SPINK5: variants seen among roughly 807,000 people sequenced by gnomAD.
SPINK5 encodes serine peptidase inhibitor Kazal type 5, also known as serine protease inhibitor Kazal-type 5.
In SPINK5, 125 loss-of-function variants were observed where a neutral mutation model predicts 151.8. The observed-to-expected ratio is 0.82, with a 90% CI of 0.71 to 0.96. SPINK5 has a LOEUF of 0.96. Among genes scored for constraint, SPINK5 ranks in the 40% least tolerant of loss-of-function variants. SPINK5 has a pLI of 0.00. For synonymous variants in SPINK5, 374 were observed against 395.3 expected, an observed-to-expected ratio of 0.95 and a Z score of 0.64; for missense variants, 1,194 against 1,291.9, an observed-to-expected ratio of 0.92 and a Z score of 1.16.
Position 148,111,906 on chromosome 5 carries a change from G to A in SPINK5, c.1820+11G>A, listed in dbSNP as rs796478719. On this transcript the variant is annotated intron_variant, in intron 19 of 32. Coordinates refer to ENST00000256084, the MANE Select transcript of SPINK5 (RefSeq NM_006846.4). ...GTGTGAAGCCTTCTTGTGAGTGGGC[G>A]GCAGCCACTGCTGCTACTGAGTGTG... 2.2e-5 allele frequency: 36 copies of A among 1,613,840 alleles called. No individual in the cohort carries two copies. In the African/African-American group the frequency reaches 2.4e-4, roughly 11 times the overall value.
chr5:148,093,046 A>G (rs1257954758), intron 8 of SPINK5, among the ~76,000 whole-genome samples: 1 of 151,944 alleles, frequency 6.6e-6, no homozygotes, highest in Non-Finnish European at 1.5e-5. Flanking sequence ...GGCCCAGGTC[A>G]TTTGACTCCT....
chr5:148,136,828 C>A (rs1158047425), intron 32 of SPINK5, among the ~76,000 whole-genome samples, 155 bp from the exon 33 acceptor site: 3 of 152,186 alleles, frequency 2.0e-5, no homozygotes, highest in African/African-American at 7.2e-5. Context: ...TTGTATCAAA[C>A]TGGATAAAAT....
chr5:148,113,440 T>G (rs985391404), intron 20 of SPINK5, among the ~76,000 whole-genome samples: 1 of 152,238 alleles, frequency 6.6e-6, no homozygotes, highest in Admixed American at 6.5e-5. Flanking sequence ...ACAGCCAGCC[T>G]TCTTTCTAGT....
rs915444325 is a variant in SPINK5 at position 148,136,859 on chromosome 5, C to T, written c.3187-124C>T. 1.7e-5 allele frequency: 21 copies of T among 1,252,572 alleles called. No individual in the cohort carries two copies. In the East Asian group the frequency reaches 4.2e-4, roughly 25 times the overall value. The allele number at this position is 1,252,572 out of a possible 1,614,324, so 77.6% of individuals were successfully genotyped here. A position where few individuals can be genotyped will look rare whatever the true frequency, so the allele number is the denominator to read the frequency against. On this transcript the variant is annotated intron_variant, in intron 32 of 32. Transcript: ENST00000256084. The stretch of plus-strand genomic sequence containing the variant: ...AAAATGTGAAAGTGATTTTAAATTG[C>T]TACTTCTTTGCAGAATGCAGGATCT...
intron 14 of SPINK5, 56 bp downstream of exon 14, chr5:148,101,492 C>A: frequency 7.4e-7 from 1 of 1,355,998 alleles, no homozygotes; most frequent in Non-Finnish European, 1.1e-6. Flanking sequence ...ATCCACAGAT[C>A]ATGTTCAGGG....
chr5:148,099,465 G>A (rs1753573718), intron 12 of SPINK5, 150 bp downstream of exon 12: 7 of 605,564 alleles, frequency 1.2e-5, no homozygotes, highest in South Asian at 9.7e-5. Flanking sequence ...TATATGGGAA[G>A]ATTGATCCAT....
intron 26 of SPINK5, among the ~76,000 whole-genome samples, chr5:148,123,449 A>C (rs1384594749): frequency 8.0e-6 from 1 of 125,288 alleles, no homozygotes; most frequent in African/African-American, 3.7e-5. Flanking sequence ...ATCTATCTAT[A>C]TATATAATCT....
chr5:148,117,977 C>T (rs9325072), intron 22 of SPINK5, among the ~76,000 whole-genome samples: 27,080 of 151,820 alleles, frequency 0.18, 3,610 homozygotes, highest in African/African-American at 0.36. Context: ...ATTCTGGTCC[C>T]CTTTTCTCTG....
chr5:148,064,007 A>T lies in SPINK5; in HGVS notation c.-38A>T, dbSNP rs1561668888. 6.2e-7 allele frequency: 1 copy of T among 1,613,254 alleles called. No homozygotes were observed. The highest frequency in any genetic ancestry group is 8.5e-7 in the Non-Finnish European group (1 of 1,179,220). On this transcript the variant is annotated 5_prime_UTR_variant, in exon 1 of 33. The change abolishes an upstream ATG in the 5' untranslated region. Coordinates refer to ENST00000256084, the MANE Select transcript of SPINK5 (RefSeq NM_006846.4). ...TCATACTGCACCAGCTGAGCAATGCATGGAGTGGACCTGTAGGCGACTTGC... is the reference window on the plus strand; with the variant it reads ...TCATACTGCACCAGCTGAGCAATGCTTGGAGTGGACCTGTAGGCGACTTGC...
At chr5:148,095,735 G>A in intron 9 of SPINK5, 83 bp from the exon 10 acceptor site, 1 of 1,193,126 alleles carries the variant, frequency 8.4e-7, no homozygotes, top group Non-Finnish European at 1.2e-6. Context: ...GGACAACTTA[G>A]ATATTTTTCC....
intron 17 of SPINK5, among the ~76,000 whole-genome samples, chr5:148,108,531 G>A (rs1425043099): frequency 6.6e-6 from 1 of 152,098 alleles, no homozygotes; most frequent in East Asian, 1.9e-4. Flanking sequence ...GACTGATAAA[G>A]ATGCATGCTT....
At chr5:148,070,281 G>C (rs1262679434) in intron 2 of SPINK5, 42 bp from the exon 3 acceptor site, 1 of 1,606,968 alleles carries the variant, frequency 6.2e-7, no homozygotes, top group Non-Finnish European at 8.5e-7. Flanking sequence ...AGCTTGTTTT[G>C]ATGTACTTTT....
Position 148,072,146 on chromosome 5 carries a change from A to G in SPINK5, c.210-2A>G. On this transcript the variant is annotated splice_acceptor_variant, in intron 3 of 32. Coordinates refer to ENST00000256084, the MANE Select transcript of SPINK5 (RefSeq NM_006846.4). LOFTEE classifies it high-confidence loss of function. Reference sequence around the variant, plus strand: ...ACTATGCTATTTCTTGTCCTTTTCCAGGGAAAAAGAAGCAAAATCACAGAA... The same window carrying G: ...ACTATGCTATTTCTTGTCCTTTTCCGGGGAAAAAGAAGCAAAATCACAGAA... 1 of 1,611,602 alleles carries G rather than the reference A, an allele frequency of 6.2e-7. No homozygotes were observed.
intron 4 of SPINK5, among the ~76,000 whole-genome samples, chr5:148,076,710 C>G (rs1007983980): frequency 5.3e-5 from 8 of 151,348 alleles, no homozygotes; most frequent in African/African-American, 1.9e-4. Context: ...TGAGGGTTCA[C>G]AAGAAAGTAT....
At chr5:148,123,405 TATA>T (rs1754327848) in intron 26 of SPINK5, among the ~76,000 whole-genome samples, 1 of 100,346 alleles carries the variant, frequency 1.0e-5, no homozygotes, top group South Asian at 3.1e-4. Flanking sequence ...TATAGATAGA[TATA>T]ATATATTATA....
rs765194128 is a variant in SPINK5 at position 148,133,897 on chromosome 5, T to A, written c.3186+10T>A. ...CAGCATGCCCCCGTCTGTAAGTACA[T>A]AAGTAGACTGGCCTCCATGGTTACG... On this transcript the variant is annotated intron_variant, in intron 32 of 32. Transcript: ENST00000256084. 1.2e-6 allele frequency: 2 copies of A among 1,613,528 alleles called. No homozygotes were observed. The highest frequency in any genetic ancestry group is 1.7e-6 in the Non-Finnish European group (2 of 1,179,716).
At chr5:148,086,740 T>A (rs1288134422) in intron 5 of SPINK5, among the ~76,000 whole-genome samples, 1 of 151,696 alleles carries the variant, frequency 6.6e-6, no homozygotes, top group Non-Finnish European at 1.5e-5. Context: ...CTTTTATGTA[T>A]GATTTATCAG....
At chr5:148,121,570 A>T (rs1199199780) in intron 26 of SPINK5, among the ~76,000 whole-genome samples, 1 of 151,920 alleles carries the variant, frequency 6.6e-6, no homozygotes, top group African/African-American at 2.4e-5. Context: ...AATCTTGGTA[A>T]ATTTTTAATT....
chr5:148,074,069 TTTG>T (rs977231864), intron 4 of SPINK5, among the ~76,000 whole-genome samples: 1 of 151,822 alleles, frequency 6.6e-6, no homozygotes, highest in African/African-American at 2.4e-5. Context: ...CCATGTGTTT[TTTG>T]TTGTTGTTGT....
Sources: allele counts gnomAD v4.1 joint callset (sites outside exome capture counted in the v4.1 genomes callset), GRCh38; gene constraint gnomAD v4.1.1; transcripts MANE v1.5; gene names NCBI Gene and HGNC (gene_info 2026-07-23, HGNC 2026-07-21).